Variants in GABRB3 observed in about 807,000 individuals in gnomAD.
GABRB3 encodes gamma-aminobutyric acid type A receptor subunit beta3.
GABRB3 carries 14 observed loss-of-function variants against 52.1 expected under a neutral mutation model. The observed-to-expected ratio is 0.27, with a 90% CI of 0.18 to 0.42. The LOEUF is 0.42. Ranked by LOEUF, GABRB3 falls within the 10% of genes least tolerant of loss-of-function variation. The pLI is 1.00. For synonymous variants in GABRB3, 260 were observed against 232.3 expected (o/e 1.12, Z -1.08); for missense variants, 307 against 609.1 (o/e 0.50, Z 5.22).
At chr15:26,773,553 G>C (rs891882348), upstream of GABRB3, 1 of 1,008,536 alleles carries the variant, frequency 9.9e-7, no homozygotes, top group South Asian at 1.5e-5. Flanking sequence ...AGCGCAGCCC[G>C]AGAGCCCCCG....
chr15:26,659,873 A>C (rs1887485669), intron 3 of GABRB3, among the ~76,000 whole-genome samples: 1 of 152,106 alleles, frequency 6.6e-6, no homozygotes, highest in African/African-American at 2.4e-5. Flanking sequence ...GTCAGGAATC[A>C]TGGAGGAATC....
chr15:26,704,018 C>T (rs1387056514), intron 3 of GABRB3, among the ~76,000 whole-genome samples: 1 of 152,220 alleles, frequency 6.6e-6, no homozygotes, highest in East Asian at 1.9e-4. Context: ...CTAGGTAATG[C>T]GTTATGGAGG....
rs1023644935 is a variant in GABRB3 at position 26,621,236 on chromosome 15, C to T, written c.461+78G>A. 9 of 1,115,386 alleles carry T rather than the reference C, an allele frequency of 8.1e-6. No individual in the cohort carries two copies. The highest frequency in any genetic ancestry group is 1.1e-5 in the Non-Finnish European group (8 of 726,690). 69.1% of individuals were successfully genotyped at this position (1,115,386 alleles called of 1,614,324 possible). A position where few individuals can be genotyped will look rare whatever the true frequency, so the allele number is the denominator to read the frequency against. On this transcript the variant is annotated intron_variant, in intron 4 of 8. Transcript: ENST00000311550. This position sits in a 1 kb window ranked among gnomAD's most constrained non-coding sequence, Gnocchi z 4.1. ...TTATCTGAGGTCATTGCCTCACTTA[C>T]AATAATCATCTCAAGTGAGATATTC...
intron 3 of GABRB3, among the ~76,000 whole-genome samples, chr15:26,736,083 G>T (rs2140155512): frequency 6.6e-6 from 1 of 152,268 alleles, no homozygotes; most frequent in Non-Finnish European, 1.5e-5. Context: ...GAGGGGAGAG[G>T]TGTGCAGAGT....
intron 3 of GABRB3, chr15:26,624,540 G>A (rs1779407791): frequency 1.0e-5 from 10 of 985,318 alleles, no homozygotes; most frequent in Non-Finnish European, 1.2e-5. Context: ...GTCTTATTTT[G>A]GACTGTGTCG....
intron 3 of GABRB3, among the ~76,000 whole-genome samples, chr15:26,728,044 A>G (rs892962848): frequency 3.9e-5 from 6 of 152,196 alleles, no homozygotes; most frequent in African/African-American, 1.4e-4. Flanking sequence ...TGTTTTTCAA[A>G]GTTACCTACA....
chr15:26,683,037 A>T (rs1888287791), intron 3 of GABRB3, among the ~76,000 whole-genome samples: 1 of 152,076 alleles, frequency 6.6e-6, no homozygotes, highest in African/African-American at 2.4e-5. Flanking sequence ...GAACAAACTC[A>T]GGGCCTGCAC....
chr15:26,668,684 A>T (rs972706235), intron 3 of GABRB3, among the ~76,000 whole-genome samples: 1 of 152,222 alleles, frequency 6.6e-6, no homozygotes, highest in African/African-American at 2.4e-5. Context: ...CATAGCTAAG[A>T]TTAAATCATA....
chr15:26,753,865 C>T (rs1243238709), intron 3 of GABRB3, among the ~76,000 whole-genome samples: 3 of 152,106 alleles, frequency 2.0e-5, no homozygotes, highest in Admixed American at 6.5e-5. Context: ...TAAACCAATG[C>T]TGTTGGTCTT....
chr15:26,590,654 A>G (rs1891163837), intron 4 of GABRB3, among the ~76,000 whole-genome samples: 1 of 152,216 alleles, frequency 6.6e-6, no homozygotes, highest in African/African-American at 2.4e-5. Flanking sequence ...TTTTTGTTTT[A>G]CTTTACAAAA....
At chr15:26,606,228 G>A (rs1453040705) in intron 4 of GABRB3, among the ~76,000 whole-genome samples, 3 of 151,942 alleles carry the variant, frequency 2.0e-5, no homozygotes, top group Admixed American at 1.3e-4. Flanking sequence ...GACAATATTT[G>A]ATAGCACAAC....
intron 3 of GABRB3, among the ~76,000 whole-genome samples, chr15:26,628,427 TC>T (rs1178062984): frequency 6.6e-6 from 1 of 152,130 alleles, no homozygotes; most frequent in Admixed American, 6.5e-5. Flanking sequence ...TTCCAAGAAT[TC>T]AAAAGCAATC....
At chr15:26,682,291 C>T (rs969102479) in intron 3 of GABRB3, among the ~76,000 whole-genome samples, 2 of 152,176 alleles carry the variant, frequency 1.3e-5, no homozygotes, top group Non-Finnish European at 2.9e-5. Flanking sequence ...TCCTCCCTCT[C>T]CCACTCCCTG....
At chr15:26,683,354 C>A (rs59422983) in intron 3 of GABRB3, among the ~76,000 whole-genome samples, 2 of 143,816 alleles carry the variant, frequency 1.4e-5, no homozygotes, top group Non-Finnish European at 2.9e-5. Flanking sequence ...CCTGGAGTTT[C>A]AGAGCTCCCC....
chr15:26,635,949 C>G (rs1056499620), intron 3 of GABRB3, among the ~76,000 whole-genome samples: 54 of 152,210 alleles, frequency 3.5e-4, no homozygotes, highest in Non-Finnish European at 4.4e-5. Context: ...CAGTACTGCA[C>G]TTGATATAGC....
chr15:26,563,224 G>A (rs1221951772), intron 7 of GABRB3, among the ~76,000 whole-genome samples: 1 of 152,166 alleles, frequency 6.6e-6, no homozygotes, highest in Non-Finnish European at 1.5e-5. Context: ...AGGCACACAG[G>A]AATAGGTACA....
At chr15:26,597,352 T>C (rs1891430822) in intron 4 of GABRB3, among the ~76,000 whole-genome samples, 1 of 152,186 alleles carries the variant, frequency 6.6e-6, no homozygotes, top group South Asian at 2.1e-4. Context: ...ATAGATTTCT[T>C]GGGAGAGTTT....
rs748306024 is a variant in GABRB3, at chr15:26,772,754, G to A, written c.99C>T (p.Asn33=). 1.9e-6 allele frequency: 3 copies of A among 1,570,100 alleles called. No individual in the cohort carries two copies. Among genetic ancestry groups the A allele is most frequent in the African/African-American group, 2.8e-5 (2 of 71,104 alleles). Residue 33 remains asparagine (N), a synonymous_variant, in exon 2 of 9, where the codon AAC becomes AAT. Coordinates refer to ENST00000311550, the MANE Select transcript of GABRB3 (RefSeq NM_000814.6). ...CCACCGTCTCCTTCACAAAGGACAT[G>A]TTCCCGGGATCGTTCACACTGGGGG... ...CCAQSVNDPG[N]MSFVKETVDK... is the part of the protein sequence containing the mutation.
chr15:26,574,751 A>C (rs1392247259), intron 6 of GABRB3, among the ~76,000 whole-genome samples: 1 of 115,422 alleles, frequency 8.7e-6, no homozygotes, highest in Non-Finnish European at 2.1e-5. Context: ...ATGGGAAGAG[A>C]CTGCTAATGG....
Sources: allele counts gnomAD v4.1 joint callset (sites outside exome capture counted in the v4.1 genomes callset), GRCh38; gene constraint gnomAD v4.1.1; non-coding constraint Gnocchi (gnomAD v3.1); transcripts MANE v1.5; gene names NCBI Gene and HGNC (gene_info 2026-07-23, HGNC 2026-07-21).